The following RPS6KC1 variants were observed in gnomAD, a reference collection of about 807,000 sequenced individuals.
RPS6KC1 encodes the protein inactive ribosomal protein S6 kinase delta-1.
RPS6KC1 carries 54 observed loss-of-function variants against 103.8 expected under a neutral mutation model. The observed-to-expected ratio is 0.52, with a 90% CI of 0.42 to 0.65. The LOEUF is 0.65. Ranked by LOEUF, RPS6KC1 falls within the 30% of genes least tolerant of loss-of-function variation. The pLI, the probability that RPS6KC1 is intolerant of heterozygous loss-of-function variation, is 0.00. For synonymous variants in RPS6KC1, 439 were observed against 438.7 expected (o/e 1.00, Z -0.01); for missense variants, 1,151 against 1,253.8 (o/e 0.92, Z 1.24).
the RPS6KC1 span, among the ~76,000 whole-genome samples, chr1:213,530,026 A>G: frequency 1.0e-5 from 1 of 97,286 alleles, no homozygotes; most frequent in Non-Finnish European, 2.1e-5. Context: ...ATTTTCCTTC[A>G]CTTCTTTTAT....
chr1:213,086,143 GT>G (rs2080373924), intron 3 of RPS6KC1, among the ~76,000 whole-genome samples: 1 of 152,130 alleles, frequency 6.6e-6, no homozygotes, highest in Non-Finnish European at 1.5e-5. Flanking sequence ...TTTCCAGCTG[GT>G]ATGGATGAGC....
At chr1:213,091,057 G>C (rs2080913192) in intron 3 of RPS6KC1, among the ~76,000 whole-genome samples, 1 of 151,826 alleles carries the variant, frequency 6.6e-6, no homozygotes, top group Non-Finnish European at 1.5e-5. Context: ...TTGAAAAAGG[G>C]AGGAGTGTTT....
At chr1:213,103,064 G>A (rs2082153002) in intron 3 of RPS6KC1, among the ~76,000 whole-genome samples, 2 of 152,020 alleles carry the variant, frequency 1.3e-5, no homozygotes, top group South Asian at 2.1e-4. Flanking sequence ...GCTGGCTGTG[G>A]TGGCGTGTGC....
chr1:213,721,088 A>C, the RPS6KC1 span, among the ~76,000 whole-genome samples: 1 of 152,134 alleles, frequency 6.6e-6, no homozygotes, highest in Admixed American at 6.5e-5. Context: ...GGAAATCCAC[A>C]GATTAAAAAG....
the RPS6KC1 span, chr1:213,794,307 CTG>C: frequency 6.6e-6 from 1 of 152,048 alleles, no homozygotes; most frequent in Non-Finnish European, 1.5e-5. Flanking sequence ...AACAATGAGA[CTG>C]TTGTTTCTCA....
the RPS6KC1 span, among the ~76,000 whole-genome samples, chr1:213,853,845 C>T: frequency 6.6e-6 from 1 of 152,200 alleles, no homozygotes; most frequent in Non-Finnish European, 1.5e-5. Context: ...CACATATTGC[C>T]TTAATCCACA....
At chr1:213,857,184 ACACCCATGGGCC>A in the RPS6KC1 span, among the ~76,000 whole-genome samples, 5 of 152,162 alleles carry the variant, frequency 3.3e-5, no homozygotes, top group African/African-American at 9.7e-5. Flanking sequence ...ACACTGCTGG[ACACCCATGGGCC>A]TCCCAATGGT....
At chr1:213,317,081 G>A in the RPS6KC1 span, among the ~76,000 whole-genome samples, 269 of 152,252 alleles carry the variant, frequency 1.8e-3, 3 homozygotes, top group Middle Eastern at 6.8e-3. Context: ...CGATAAAATC[G>A]GAAGTATGTT....
At chr1:213,386,158 A>G in the RPS6KC1 span, among the ~76,000 whole-genome samples, 16 of 152,224 alleles carry the variant, frequency 1.1e-4, no homozygotes, top group Non-Finnish European at 2.1e-4. Flanking sequence ...GTTAAAAAGC[A>G]ACTGGCACCT....
chr1:213,083,876 A>C lies in RPS6KC1; in HGVS notation c.262+6060A>C, dbSNP rs560857010. 3.3e-5 allele frequency among the ~76,000 whole-genome samples: 5 copies of C among 152,224 alleles called. No homozygotes were observed. The South Asian group carries it at 1.0e-3, about 32-fold the overall frequency. ...CTTCCAGGATTAGGTTATAAAAAAG[A>C]CTGTAGCTTCCATCTTGTGTGCTCA... On this transcript the variant is annotated intron_variant, in intron 3 of 14. Transcript: ENST00000366960.
At chr1:213,216,552 A>G (rs978331973) in intron 8 of RPS6KC1, among the ~76,000 whole-genome samples, 2 of 152,228 alleles carry the variant, frequency 1.3e-5, no homozygotes, top group African/African-American at 4.8e-5. Flanking sequence ...CTCCACCCCA[A>G]ATCAACAGAA....
At position 213,118,021 on chromosome 1, in the gene RPS6KC1, C is replaced by CAAAAAAAAAAAAAAAAAAAAAAAAAAA. The variant is rs59318173; in HGVS notation, c.472+629_472+630insAAAAAAAAAAAAAAAAAAAAAAAAAAA. On this transcript the variant is annotated intron_variant, in intron 5 of 14. Transcript: ENST00000366960. The stretch of plus-strand genomic sequence containing the variant: ...TGGACAACAAAGCAAGACTTTGTCT[C>CAAAAAAAAAAAAAAAAAAAAAAAAAAA]AAAAAAAAAAAAAAAAAAGCCTTAC... Among the ~76,000 whole-genome samples, 30 of 34,182 alleles carry CAAAAAAAAAAAAAAAAAAAAAAAAAAA rather than the reference C, an allele frequency of 8.8e-4. 3 individuals carry two copies. The highest frequency in any genetic ancestry group is 4.7e-3 in the South Asian group (4 of 846). The allele number at this position is 34,182 out of a possible 152,430, so 22.4% of individuals were successfully genotyped here.
chr1:213,564,497 A>C, the RPS6KC1 span, among the ~76,000 whole-genome samples: 1 of 152,322 alleles, frequency 6.6e-6, no homozygotes, highest in Admixed American at 6.5e-5. Context: ...CAATGAGCAG[A>C]TCAGGGTATA....
chr1:213,343,659 G>T, the RPS6KC1 span, among the ~76,000 whole-genome samples: 2 of 151,182 alleles, frequency 1.3e-5, no homozygotes, highest in Non-Finnish European at 2.9e-5. Flanking sequence ...GGGTGGGAGG[G>T]GGGTGAGGGA....
chr1:213,199,670 T>G (rs984102447), intron 8 of RPS6KC1, among the ~76,000 whole-genome samples: 1 of 152,064 alleles, frequency 6.6e-6, no homozygotes, highest in Admixed American at 6.6e-5. Flanking sequence ...GAGAAAGAAA[T>G]AAAGGGCATT....
intron 8 of RPS6KC1, among the ~76,000 whole-genome samples, chr1:213,229,579 G>A (rs2094040979): frequency 6.6e-6 from 1 of 152,012 alleles, no homozygotes; most frequent in South Asian, 2.1e-4. Context: ...GCCCTTTAAA[G>A]AAAAAGTTTG....
chr1:213,683,215 C>G, the RPS6KC1 span, among the ~76,000 whole-genome samples: 1 of 152,148 alleles, frequency 6.6e-6, no homozygotes. Context: ...TGCCTGGGGA[C>G]TGTCGGGGTC....
chr1:213,175,941 G>A (rs970747653), intron 7 of RPS6KC1, among the ~76,000 whole-genome samples: 3 of 152,150 alleles, frequency 2.0e-5, no homozygotes, highest in Non-Finnish European at 4.4e-5. Context: ...TGATGAGAGA[G>A]AATGGCTTGT....
At chr1:213,787,666 T>C in the RPS6KC1 span, among the ~76,000 whole-genome samples, 1 of 149,274 alleles carries the variant, frequency 6.7e-6, no homozygotes, top group Non-Finnish European at 1.5e-5. Context: ...ATGGGATTTA[T>C]TGGGGGGAGG....
Sources: allele counts gnomAD v4.1 joint callset (sites outside exome capture counted in the v4.1 genomes callset), GRCh38; gene constraint gnomAD v4.1.1; transcripts MANE v1.5; gene names NCBI Gene and HGNC (gene_info 2026-07-23, HGNC 2026-07-21).